The following MAGI2 variants were observed in gnomAD, a reference collection of about 807,000 sequenced individuals.
MAGI2 encodes the protein membrane-associated guanylate kinase, WW and PDZ domain-containing protein 2.
MAGI2 carries 35 observed loss-of-function variants against 133.3 expected under a neutral mutation model. That is an observed-to-expected ratio of 0.26 (90% CI 0.20 to 0.35). The LOEUF (loss-of-function observed/expected upper bound fraction) is 0.35, where lower values mean the gene tolerates loss of function less well. MAGI2 is among the 10% of genes least tolerant of loss of function. MAGI2 has a pLI of 1.00. For synonymous variants in MAGI2, 729 were observed against 710.6 expected (o/e 1.03, Z -0.41); for missense variants, 1,636 against 1,863.4 (o/e 0.88, Z 2.25).
chr7:78,867,659 G>A (rs1217417476), intron 2 of MAGI2, among the ~76,000 whole-genome samples: 5 of 151,516 alleles, frequency 3.3e-5, no homozygotes, highest in Non-Finnish European at 5.9e-5. Context: ...CCTGCACATT[G>A]TGCACATGTA....
chr7:78,512,895 A>G (rs901957976), intron 4 of MAGI2, among the ~76,000 whole-genome samples: 40 of 152,230 alleles, frequency 2.6e-4, no homozygotes, highest in African/African-American at 9.2e-4. Flanking sequence ...AACATTTCCT[A>G]AAACTAAATT....
chr7:78,521,379 TAGATCTA>T (rs760832450), intron 4 of MAGI2, 44 bp downstream of exon 4: 2 of 1,353,568 alleles, frequency 1.5e-6, no homozygotes, highest in Non-Finnish European at 2.1e-6. Flanking sequence ...ATATATATCT[TAGATCTA>T]AAACAGTAAA....
At chr7:78,788,583 CA>C (rs570892265) in intron 2 of MAGI2, among the ~76,000 whole-genome samples, 1,411 of 139,050 alleles carry the variant, frequency 0.01, 16 homozygotes, top group African/African-American at 0.029. Context: ...CTTTGCTTAT[CA>C]AAAAAAAAAA....
chr7:78,419,600 ATTTTTTTT>A (rs149554875), intron 6 of MAGI2, among the ~76,000 whole-genome samples: 3 of 144,602 alleles, frequency 2.1e-5, no homozygotes, highest in African/African-American at 7.7e-5. Context: ...TTGAGCAGTG[ATTTTTTTT>A]TTTTTTTTTT....
intron 3 of MAGI2, among the ~76,000 whole-genome samples, chr7:78,572,097 CTAAA>C (rs1801558742): frequency 2.0e-5 from 3 of 152,136 alleles, no homozygotes; most frequent in South Asian, 4.1e-4. Context: ...AATTCTAAAA[CTAAA>C]TAAGAGGCAA....
At chr7:78,463,548 GC>G in intron 6 of MAGI2, among the ~76,000 whole-genome samples, 1 of 152,184 alleles carries the variant, frequency 6.6e-6, no homozygotes, top group East Asian at 1.9e-4. Flanking sequence ...TAATTGTACA[GC>G]CCTCATAGCA....
chr7:78,039,338 G>C (rs1451309686), intron 21 of MAGI2, among the ~76,000 whole-genome samples: 1 of 152,202 alleles, frequency 6.6e-6, no homozygotes, highest in Non-Finnish European at 1.5e-5. Flanking sequence ...TGTGGGGCTG[G>C]TTCTGGGGAC....
intron 1 of MAGI2, among the ~76,000 whole-genome samples, chr7:79,444,743 G>A (rs1848724638): frequency 1.3e-5 from 2 of 152,084 alleles, no homozygotes; most frequent in Non-Finnish European, 2.9e-5. Context: ...ACTGCCCAAG[G>A]TAATTTATAG....
In MAGI2 at chr7:78,892,513, T is replaced by A. The variant is rs536101675; in HGVS notation, c.418+114577A>T. On this transcript the variant is annotated intron_variant, in intron 2 of 21. Transcript: ENST00000354212. The stretch of plus-strand genomic sequence containing the variant: ...GGCTACAGTAACCAAAACAGCATGG[T>A]ACTGGTACCAAAACAGAGATATAGA... Among the ~76,000 whole-genome samples, 3 of 152,264 alleles carry A rather than the reference T, an allele frequency of 2.0e-5. No individual in the cohort carries two copies. The South Asian group carries it at 6.2e-4, about 32-fold the overall frequency.
chr7:78,776,759 G>A (rs542032984), intron 2 of MAGI2, among the ~76,000 whole-genome samples: 164 of 152,236 alleles, frequency 1.1e-3, no homozygotes, highest in African/African-American at 3.6e-3. Flanking sequence ...GAAAAATTCC[G>A]CATGGGAATT....
intron 2 of MAGI2, among the ~76,000 whole-genome samples, chr7:78,696,180 C>T (rs936064567): frequency 2.6e-5 from 4 of 152,176 alleles, no homozygotes; most frequent in African/African-American, 9.7e-5. Flanking sequence ...TCAAGAGATC[C>T]TCCTGCCTCA....
At chr7:79,304,189 G>GTGTT (rs1554438874) in intron 1 of MAGI2, among the ~76,000 whole-genome samples, 1 of 90,412 alleles carries the variant, frequency 1.1e-5, no homozygotes, top group Non-Finnish European at 2.1e-5. Context: ...GGATGTGTGT[G>GTGTT]TGTGTGTGTG....
chr7:79,229,778 T>C (rs1172436128), intron 1 of MAGI2, among the ~76,000 whole-genome samples: 1 of 152,136 alleles, frequency 6.6e-6, no homozygotes, highest in Non-Finnish European at 1.5e-5. Context: ...TTCTTTTTTT[T>C]TAAGTTTTTT....
intron 2 of MAGI2, among the ~76,000 whole-genome samples, chr7:78,870,487 A>G (rs1472095778): frequency 6.6e-6 from 1 of 152,194 alleles, no homozygotes; most frequent in Admixed American, 6.5e-5. Context: ...GCAAATTAAA[A>G]CTACAATGAG....
At chr7:79,412,840 G>A (rs1326618335) in intron 1 of MAGI2, 3 of 152,122 alleles carry the variant, frequency 2.0e-5, no homozygotes, top group Non-Finnish European at 4.4e-5. Context: ...TACGTATCCA[G>A]TTTACCCTTC....
intron 1 of MAGI2, chr7:79,012,146 G>C (rs1009436186): frequency 2.0e-5 from 3 of 152,028 alleles, no homozygotes; most frequent in African/African-American, 7.2e-5. Context: ...TCTTGAAAGC[G>C]ACACTCTGAA....
intron 20 of MAGI2, among the ~76,000 whole-genome samples, chr7:78,115,199 C>A (rs754955025): frequency 6.6e-6 from 1 of 151,750 alleles, no homozygotes; most frequent in Non-Finnish European, 1.5e-5. Flanking sequence ...GATGACTAGG[C>A]AATAATGATA....
chr7:78,674,271 T>G (rs1370483692), intron 2 of MAGI2, among the ~76,000 whole-genome samples: 2 of 152,050 alleles, frequency 1.3e-5, no homozygotes, highest in African/African-American at 2.4e-5. Flanking sequence ...CAGCAGAGTG[T>G]TTCATTAATT....
At chr7:78,888,580 C>T (rs1007694550) in intron 2 of MAGI2, among the ~76,000 whole-genome samples, 11 of 152,326 alleles carry the variant, frequency 7.2e-5, no homozygotes, top group African/African-American at 2.6e-4. Context: ...CCAATATCCG[C>T]TGTTCTTCAG....
Sources: gnomAD v4.1 joint callset for allele counts (sites outside exome capture counted in the v4.1 genomes callset) on GRCh38, gnomAD v4.1.1 for gene constraint, MANE v1.5 for transcripts, NCBI Gene and HGNC (gene_info 2026-07-23, HGNC 2026-07-21) for gene names.